The following ILDR2 variants were observed in gnomAD, a reference collection of about 807,000 sequenced individuals.
The protein encoded by ILDR2 is immunoglobulin-like domain-containing receptor 2.
In ILDR2, 25 loss-of-function variants were observed where a neutral mutation model predicts 66.8. The ratio of observed to expected loss-of-function variants is 0.37; its 90% CI spans 0.27 to 0.52. ILDR2 has a LOEUF of 0.52. Among genes scored for constraint, ILDR2 ranks in the 20% least tolerant of loss-of-function variants. ILDR2 has a pLI of 0.88. For missense variants in ILDR2, 827 were observed against 876.8 expected (o/e 0.94, Z 0.72); for synonymous variants, 367 against 357.2 (o/e 1.03, Z -0.31).
rs1294512147 is a variant in ILDR2, at chr1:166,920,790, G to A, written c.1801C>T (p.Arg601Cys). ...LPPYSELELT[R>C]GPSYRGRDLP... ...TCGCGGCCGCGGTAGGACGGGCCGC[G>A]GGTCAGCTCCAGCTCGCTGTAGGGC... The change falls in exon 9 of 10, where the codon CGC (arginine) becomes TGC (cysteine). Residue 601 changes from arginine (R) to cysteine (C), a missense_variant. Physicochemically the swap from Arg to Cys is radical, Grantham distance 180 (BLOSUM62 -3). Coordinates refer to ENST00000271417, the MANE Select transcript of ILDR2 (RefSeq NM_199351.3). 2.6e-6 allele frequency: 4 copies of A among 1,527,620 alleles called. No homozygotes were observed. Among genetic ancestry groups the A allele is most frequent in the Non-Finnish European group, 1.8e-6 (2 of 1,138,218 alleles). 94.6% of individuals were successfully genotyped at this position (1,527,620 alleles called of 1,614,324 possible). A position where few individuals can be genotyped will look rare whatever the true frequency, so the allele number is the denominator to read the frequency against.
At position 166,936,476 on chromosome 1, in the gene ILDR2, A is replaced by G. The variant is rs916886454; in HGVS notation, c.703+115T>C. 1 of 1,508,342 alleles carries G rather than the reference A, an allele frequency of 6.6e-7. No homozygotes were observed. Among genetic ancestry groups the G allele is most frequent in the African/African-American group, 1.4e-5 (1 of 73,200 alleles). The allele number at this position is 1,508,342 out of a possible 1,614,324, so 93.4% of individuals were successfully genotyped here. The stretch of plus-strand genomic sequence containing the variant: ...AGCGGAGAAGAGTCTGGAATGACCA[A>G]TCTTGGGGGTGGCAGGACAGGAGGT... On this transcript the variant is annotated intron_variant, in intron 5 of 9. Transcript: ENST00000271417. This position sits in a 1 kb window ranked among gnomAD's most constrained non-coding sequence, Gnocchi z 5.0.
At chr1:166,961,750 G>A (rs1269185972) in intron 1 of ILDR2, among the ~76,000 whole-genome samples, 2 of 152,232 alleles carry the variant, frequency 1.3e-5, no homozygotes, top group African/African-American at 4.8e-5. Context: ...TGACTTCTGT[G>A]AAGCTACAAA....
intron 4 of ILDR2, among the ~76,000 whole-genome samples, chr1:166,939,237 A>G (rs1661168672): frequency 6.6e-6 from 1 of 152,222 alleles, no homozygotes; most frequent in Non-Finnish European, 1.5e-5. Context: ...AAATACTGAA[A>G]TGGGCATGGA....
intron 1 of ILDR2, among the ~76,000 whole-genome samples, chr1:166,970,993 T>C (rs1211046341): frequency 1.3e-5 from 2 of 152,202 alleles, no homozygotes; most frequent in African/African-American, 2.4e-5. Context: ...CCAGGGCTAA[T>C]AACATTTTAA....
chr1:166,956,680 AG>A, intron 3 of ILDR2, 52 bp downstream of exon 3: 2 of 1,598,004 alleles, frequency 1.3e-6, no homozygotes, highest in Non-Finnish European at 1.7e-6. Context: ...GATAGGATAC[AG>A]TGCAAGTGCA....
At chr1:166,939,651 AC>A in intron 3 of ILDR2, 81 bp from the exon 4 acceptor site, 1 of 1,183,936 alleles carries the variant, frequency 8.4e-7, no homozygotes, top group Non-Finnish European at 1.3e-6. Context: ...TCCAGTTGGT[AC>A]CATCCACACG....
rs1659574263 is a variant in ILDR2 at position 166,914,623 on chromosome 1, TA to T, written c.*4731del. On this transcript the variant is annotated 3_prime_UTR_variant, in exon 10 of 10. Coordinates refer to ENST00000271417, the MANE Select transcript of ILDR2 (RefSeq NM_199351.3). ...TAACCTTCTCCCCTTCAAATAGTGC[TA>T]AAGCTCAGGCTGCTGCTTAAAGCAT... 6.6e-6 allele frequency: 1 copy of T among 152,234 alleles called. No individual in the cohort carries two copies. 9.4% of individuals were successfully genotyped at this position (152,234 alleles called of 1,614,324 possible).
rs1659461360 is a variant in ILDR2 at position 166,911,044 on chromosome 1, G to C, written c.*8311C>G. 6.6e-6 allele frequency: 1 copy of C among 152,106 alleles called. No homozygotes were observed. Among genetic ancestry groups the C allele is most frequent in the Admixed American group, 6.5e-5 (1 of 15,272 alleles). The allele number at this position is 152,106 out of a possible 1,614,324, so 9.4% of individuals were successfully genotyped here. On this transcript the variant is annotated 3_prime_UTR_variant, in exon 10 of 10. Coordinates refer to ENST00000271417, the MANE Select transcript of ILDR2 (RefSeq NM_199351.3). The stretch of plus-strand genomic sequence containing the variant: ...CCCTAACTGTTGGGATTTCAGGTGT[G>C]AGCCACAGGGCCCGGCCTTCCTTGC...
At chr1:166,955,007 T>C (rs1223407263) in intron 3 of ILDR2, among the ~76,000 whole-genome samples, 2 of 152,202 alleles carry the variant, frequency 1.3e-5, no homozygotes, top group South Asian at 2.1e-4. Context: ...AATTAGCTAA[T>C]TGTGGGCTCA....
intron 1 of ILDR2, among the ~76,000 whole-genome samples, chr1:166,974,202 C>A (rs1238092340): frequency 2.0e-5 from 3 of 152,134 alleles, no homozygotes; most frequent in Non-Finnish European, 4.4e-5. Context: ...CCTTTCTGAT[C>A]CCTTTTTCCA....
intron 1 of ILDR2, among the ~76,000 whole-genome samples, chr1:166,969,455 T>C (rs906682481): frequency 2.0e-5 from 3 of 152,264 alleles, no homozygotes. Flanking sequence ...ATGCATATGC[T>C]GTAGCTACAT....
At position 166,913,989 on chromosome 1, in the gene ILDR2, T is replaced by C. The variant is rs1395990219; in HGVS notation, c.*5366A>G. The C allele has an allele frequency of 6.6e-6, 1 of 151,900 alleles. No individual in the cohort carries two copies. The highest frequency in any genetic ancestry group is 1.5e-5 in the Non-Finnish European group (1 of 68,036). The allele number at this position is 151,900 out of a possible 1,614,324, so 9.4% of individuals were successfully genotyped here. ...AATTTGCTGGACGTGGTGGCATATATCTGTAGTCCTACCTACTTGGGAGGC... is the reference window on the plus strand; with the variant it reads ...AATTTGCTGGACGTGGTGGCATATACCTGTAGTCCTACCTACTTGGGAGGC... On this transcript the variant is annotated 3_prime_UTR_variant, in exon 10 of 10. Transcript: ENST00000271417.
chr1:166,958,926 G>T (rs1337863045), intron 1 of ILDR2, among the ~76,000 whole-genome samples: 2 of 152,098 alleles, frequency 1.3e-5, no homozygotes, highest in Non-Finnish European at 2.9e-5. Context: ...ATAGCCCTCA[G>T]GATAAAACCC....
downstream of ILDR2, among the ~76,000 whole-genome samples, chr1:166,906,277 C>T (rs144844807): frequency 3.7e-4 from 57 of 152,290 alleles, no homozygotes; most frequent in Admixed American, 5.9e-4. Context: ...GGCAACCAGA[C>T]ACAAAAATAG....
chr1:166,927,424 G>A (rs1173752835), intron 6 of ILDR2, among the ~76,000 whole-genome samples: 2 of 152,184 alleles, frequency 1.3e-5, no homozygotes, highest in African/African-American at 4.8e-5. Flanking sequence ...TCTATTTTTA[G>A]TCATTTGTTA....
In ILDR2 at chr1:166,975,534, G is replaced by A. The variant is rs1663544394; in HGVS notation, c.-266C>T. The A allele has an allele frequency of 1.4e-5, 2 of 147,630 alleles. No homozygotes were observed. The highest frequency in any genetic ancestry group is 3.0e-5 in the Non-Finnish European group (2 of 66,366). The allele number at this position is 147,630 out of a possible 1,614,324, so 9.1% of individuals were successfully genotyped here. A position where few individuals can be genotyped will look rare whatever the true frequency, so the allele number is the denominator to read the frequency against. On this transcript the variant is annotated 5_prime_UTR_variant, in exon 1 of 10. Coordinates refer to ENST00000271417, the MANE Select transcript of ILDR2 (RefSeq NM_199351.3). Reference sequence around the variant, plus strand: ...GCCCAGGCAGCGCGGCACGGGGCGAGCGTCTCCCCGCCGCAGAGCCCGCCG... The same window carrying A: ...GCCCAGGCAGCGCGGCACGGGGCGAACGTCTCCCCGCCGCAGAGCCCGCCG...
At chr1:166,972,213 CAA>C (rs753035219) in intron 1 of ILDR2, among the ~76,000 whole-genome samples, 2 of 131,290 alleles carry the variant, frequency 1.5e-5, no homozygotes. Flanking sequence ...CTCTGTCTCT[CAA>C]AAAAAAAAAA....
rs532987453 is a variant in ILDR2 at position 166,912,891 on chromosome 1, G to A, written c.*6464C>T. 6.6e-6 allele frequency: 1 copy of A among 152,184 alleles called. No individual in the cohort carries two copies. Among genetic ancestry groups the A allele is most frequent in the East Asian group, 1.9e-4 (1 of 5,174 alleles). 9.4% of individuals were successfully genotyped at this position (152,184 alleles called of 1,614,324 possible). A position where few individuals can be genotyped will look rare whatever the true frequency, so the allele number is the denominator to read the frequency against. On this transcript the variant is annotated 3_prime_UTR_variant, in exon 10 of 10. Transcript: ENST00000271417. Reference sequence around the variant, plus strand: ...GCAGGCATATGCTTGTGCCCCTCTTGGAAATGAGCTAGGTACCATCACCTT... The same window carrying A: ...GCAGGCATATGCTTGTGCCCCTCTTAGAAATGAGCTAGGTACCATCACCTT...
chr1:166,905,779 A>C (rs1354360784), downstream of ILDR2, among the ~76,000 whole-genome samples: 1 of 152,158 alleles, frequency 6.6e-6, no homozygotes, highest in East Asian at 1.9e-4. Flanking sequence ...ATAAATCATC[A>C]GTTGGAGTGA....
Sources: allele counts gnomAD v4.1 joint callset (sites outside exome capture counted in the v4.1 genomes callset), GRCh38; gene constraint gnomAD v4.1.1; non-coding constraint Gnocchi (gnomAD v3.1); transcripts MANE v1.5; gene names NCBI Gene and HGNC (gene_info 2026-07-23, HGNC 2026-07-21).